Variants in BBOF1 observed in about 807,000 individuals in gnomAD.
The protein encoded by BBOF1 is basal body-orientation factor 1.
Under a neutral mutation model 68.0 loss-of-function variants are expected in BBOF1, and 62 were observed. The ratio of observed to expected loss-of-function variants is 0.91; its 90% CI spans 0.74 to 1.13. The LOEUF is 1.13. Ranked by LOEUF, BBOF1 falls within the 50% of genes most tolerant of loss-of-function variation. The probability of loss-of-function intolerance (pLI) is 0.00; values close to 1 mark genes in which losing one functional copy is unlikely to be tolerated. For missense variants in BBOF1, 534 were observed against 600.1 expected (o/e 0.89, Z 1.15); for synonymous variants, 208 against 198.8 (o/e 1.05, Z -0.39).
chr14:74,055,611 T>TG lies in BBOF1; in HGVS notation c.1316dup (p.Asp440ArgfsTer24). 1 of 1,613,766 alleles carries TG rather than the reference T, an allele frequency of 6.2e-7. No individual in the cohort carries two copies. On this transcript the variant is annotated frameshift_variant, in exon 9 of 12. Transcript: ENST00000394009. LOFTEE classifies it high-confidence loss of function. ...CACATATTGAAGGAAATGTGGATATTGGAGATTTGACCTGGGAGCAGAAGG... is the reference window on the plus strand; with the variant it reads ...CACATATTGAAGGAAATGTGGATATTGGGAGATTTGACCTGGGAGCAGAAGG...
Position 74,065,097 on chromosome 14 carries a change from AC to A in BBOF1, c.*400del. On this transcript the variant is annotated 3_prime_UTR_variant, in exon 12 of 12. Coordinates refer to ENST00000394009, the MANE Select transcript of BBOF1 (RefSeq NM_025057.3). ...TGGGAGGTCATGGGGGCAATCTTAA[AC>A]CAATGACTCACCATTATTTACTGTT... 1 of 1,536,720 alleles carries A rather than the reference AC, an allele frequency of 6.5e-7. No individual in the cohort carries two copies. Among genetic ancestry groups the A allele is most frequent in the Non-Finnish European group, 9.0e-7 (1 of 1,114,832 alleles).
At chr14:74,041,644 C>T (rs75245210) in intron 5 of BBOF1, among the ~76,000 whole-genome samples, 3,496 of 152,172 alleles carry the variant, frequency 0.023, 140 homozygotes, top group African/African-American at 0.081. Context: ...TGACCTCCAC[C>T]TCCTGGATTC....
intron 2 of BBOF1, among the ~76,000 whole-genome samples, chr14:74,028,325 C>T (rs1224162464): frequency 1.3e-5 from 2 of 151,992 alleles, no homozygotes; most frequent in Non-Finnish European, 2.9e-5. Flanking sequence ...GCCAAGATTG[C>T]ACCACTGCAG....
At chr14:74,044,260 A>T (rs1334654653) in intron 5 of BBOF1, among the ~76,000 whole-genome samples, 1 of 150,664 alleles carries the variant, frequency 6.6e-6, no homozygotes, top group Non-Finnish European at 1.5e-5. Context: ...CAATAATAAT[A>T]AAATAAATAA....
At chr14:74,023,182 C>T in intron 2 of BBOF1, 38 bp downstream of exon 2, 1 of 1,180,124 alleles carries the variant, frequency 8.5e-7, no homozygotes, top group Non-Finnish European at 1.2e-6. Flanking sequence ...TCATTAACTA[C>T]CTCTATGGTG....
chr14:74,064,943 C>T lies in BBOF1; in HGVS notation c.*244C>T, dbSNP rs890167626. The T allele has an allele frequency of 4.4e-6, 7 of 1,601,506 alleles. No homozygotes were observed. The highest frequency in any genetic ancestry group is 6.0e-6 in the Non-Finnish European group (7 of 1,169,660). On this transcript the variant is annotated 3_prime_UTR_variant, in exon 12 of 12. Coordinates refer to ENST00000394009, the MANE Select transcript of BBOF1 (RefSeq NM_025057.3). ...CACCTAAAACAGAACAAATCCGTGT[C>T]ATATCCTAAGGACAAAGGAACTCTC... is the stretch of plus-strand genomic sequence containing the variant.
intron 9 of BBOF1, among the ~76,000 whole-genome samples, chr14:74,075,383 A>G (rs1760797053): frequency 2.0e-5 from 3 of 152,200 alleles, no homozygotes; most frequent in Admixed American, 2.0e-4. Context: ...TGTGCTGGGC[A>G]TGGTGACTCA....
chr14:74,070,273 C>T (rs183701119), downstream of BBOF1, among the ~76,000 whole-genome samples: 519 of 152,100 alleles, frequency 3.4e-3, 2 homozygotes, highest in Non-Finnish European at 5.2e-3. Flanking sequence ...AATCCCAGCA[C>T]TTTGGGAGGC....
At chr14:74,082,399 T>TA (rs2060678058) in intron 12 of BBOF1, among the ~76,000 whole-genome samples, 1 of 136,818 alleles carries the variant, frequency 7.3e-6, no homozygotes, top group South Asian at 2.5e-4. Flanking sequence ...CGAGGTTTTT[T>TA]TTTTTTTTTT....
At chr14:74,072,072 C>T in intron 9 of BBOF1, 1 of 1,563,184 alleles carries the variant, frequency 6.4e-7, no homozygotes, top group African/African-American at 1.4e-5. Flanking sequence ...AGATGCAGTA[C>T]AAGGGAGAGA....
chr14:74,041,003 C>T (rs1339100141), intron 5 of BBOF1, among the ~76,000 whole-genome samples: 4 of 152,028 alleles, frequency 2.6e-5, no homozygotes, highest in African/African-American at 9.7e-5. Flanking sequence ...TTAGTCAAGC[C>T]GAGCTAAAGA....
chr14:74,036,904 C>T (rs2059714448), intron 4 of BBOF1, among the ~76,000 whole-genome samples: 2 of 148,678 alleles, frequency 1.3e-5, no homozygotes, highest in African/African-American at 5.0e-5. Flanking sequence ...TTCACACTGT[C>T]TTTTATCTAA....
At chr14:74,074,340 G>A (rs577194127) in intron 9 of BBOF1, among the ~76,000 whole-genome samples, 15 of 148,732 alleles carry the variant, frequency 1.0e-4, no homozygotes, top group Non-Finnish European at 1.9e-4. Flanking sequence ...AGGCTGGAGT[G>A]CAATGGTGCG....
intron 11 of BBOF1, chr14:74,060,529 G>A: frequency 1.2e-6 from 1 of 840,706 alleles, no homozygotes; most frequent in South Asian, 1.4e-5. Context: ...GAAGATTTTA[G>A]TTACAATGTA....
chr14:74,071,938 T>C, intron 9 of BBOF1: 2 of 1,614,230 alleles, frequency 1.2e-6, no homozygotes, highest in Non-Finnish European at 1.7e-6. Flanking sequence ...GCTAGGGTCT[T>C]CCCTTGTTCC....
chr14:74,069,397 A>G (rs1402467050), downstream of BBOF1: 2 of 253,242 alleles, frequency 7.9e-6, no homozygotes, highest in Non-Finnish European at 1.6e-5. Flanking sequence ...CCACTGCATC[A>G]GGCCTGTGTT....
intron 6 of BBOF1, among the ~76,000 whole-genome samples, chr14:74,047,548 C>G (rs1333434201): frequency 1.3e-5 from 2 of 151,990 alleles, no homozygotes; most frequent in South Asian, 2.1e-4. Flanking sequence ...GTTCTCCTTC[C>G]TCAGCTTCCT....
At chr14:74,032,761 G>A (rs1039295541) in intron 3 of BBOF1, among the ~76,000 whole-genome samples, 1 of 152,100 alleles carries the variant, frequency 6.6e-6, no homozygotes, top group Non-Finnish European at 1.5e-5. Flanking sequence ...CAAAGTGCTG[G>A]GATTACAGGT....
rs62005101 is a variant in BBOF1 at position 74,033,882 on chromosome 14, A to C, written c.352-146A>C. ...CTCCATCTCAAAATAAATAAATAAA[A>C]TAAATAAATAAATAAATAAAAATAG... On this transcript the variant is annotated intron_variant, in intron 3 of 11. Transcript: ENST00000394009. 2.5e-5 allele frequency: 8 copies of C among 315,946 alleles called. No homozygotes were observed. The East Asian group carries it at 5.5e-4, about 22-fold the overall frequency. 19.6% of individuals were successfully genotyped at this position (315,946 alleles called of 1,614,324 possible). A position where few individuals can be genotyped will look rare whatever the true frequency, so the allele number is the denominator to read the frequency against.
Sources: allele counts gnomAD v4.1 joint callset (sites outside exome capture counted in the v4.1 genomes callset), GRCh38; gene constraint gnomAD v4.1.1; transcripts MANE v1.5; gene names NCBI Gene and HGNC (gene_info 2026-07-23, HGNC 2026-07-21).